The following IGF2BP3 variants were observed in gnomAD, a reference collection of about 807,000 sequenced individuals.
The protein encoded by IGF2BP3 is insulin like growth factor 2 mRNA binding protein 3, also known as insulin-like growth factor 2 mRNA-binding protein 3.
Under a neutral mutation model 73.8 loss-of-function variants are expected in IGF2BP3, and 9 were observed. That is an observed-to-expected ratio of 0.12 (90% CI 0.07 to 0.21). The LOEUF (loss-of-function observed/expected upper bound fraction) is 0.21. IGF2BP3 is among the 10% of genes least tolerant of loss of function. The pLI, the probability that IGF2BP3 is intolerant of heterozygous loss-of-function variation, is 1.00. For missense variants in IGF2BP3, 542 were observed against 714.0 expected (o/e 0.76, Z 2.75); for synonymous variants, 258 against 256.7 (o/e 1.01, Z -0.05).
intron 3 of IGF2BP3, among the ~76,000 whole-genome samples, chr7:23,388,878 C>G (rs1451694851): frequency 6.6e-6 from 1 of 152,122 alleles, no homozygotes; most frequent in East Asian, 1.9e-4. Context: ...TAGTTAAAAA[C>G]TGGAAACAGC....
chr7:23,429,713 A>G (rs1220565551), intron 2 of IGF2BP3, among the ~76,000 whole-genome samples: 1 of 152,180 alleles, frequency 6.6e-6, no homozygotes, highest in Non-Finnish European at 1.5e-5. Flanking sequence ...AGAAAGAAGG[A>G]AGAGAGGAAA....
chr7:23,382,190 G>A (rs1356468002), intron 3 of IGF2BP3, among the ~76,000 whole-genome samples: 7 of 152,114 alleles, frequency 4.6e-5, no homozygotes, highest in Admixed American at 6.5e-5. Flanking sequence ...AGGCTGCAGT[G>A]AGCCGTGGTT....
At chr7:23,314,609 AT>A (rs1021318761) in intron 12 of IGF2BP3, among the ~76,000 whole-genome samples, 1 of 151,664 alleles carries the variant, frequency 6.6e-6, no homozygotes. Flanking sequence ...ACCTGGTCAC[AT>A]TTTTTTTGAG....
intron 10 of IGF2BP3, among the ~76,000 whole-genome samples, chr7:23,340,184 T>C (rs1442674143): frequency 4.6e-5 from 7 of 152,164 alleles, no homozygotes; most frequent in Admixed American, 4.6e-4. Flanking sequence ...AGTAAAAACA[T>C]GCCAGCCACT....
At chr7:23,341,946 G>A in intron 10 of IGF2BP3, 118 bp downstream of exon 10, 1 of 1,125,186 alleles carries the variant, frequency 8.9e-7, no homozygotes, top group Non-Finnish European at 1.2e-6. Context: ...AAATAAGAAG[G>A]CTCCATTAGC....
At chr7:23,396,616 T>C (rs932018356) in intron 3 of IGF2BP3, 1 of 151,908 alleles carries the variant, frequency 6.6e-6, no homozygotes, top group Non-Finnish European at 1.5e-5. Flanking sequence ...CCAAGCGTGG[T>C]AGGAATGATG....
chr7:23,316,904 G>C (rs1232502928), intron 12 of IGF2BP3, among the ~76,000 whole-genome samples: 1 of 152,108 alleles, frequency 6.6e-6, no homozygotes, highest in Admixed American at 6.6e-5. Flanking sequence ...CATGTGTTAG[G>C]CACTTTTCTA....
chr7:23,344,548 C>T (rs1784787197), intron 8 of IGF2BP3, among the ~76,000 whole-genome samples: 1 of 152,220 alleles, frequency 6.6e-6, no homozygotes, highest in Non-Finnish European at 1.5e-5. Context: ...CCTGCTGAAC[C>T]TTCAAAAGCC....
intron 3 of IGF2BP3, among the ~76,000 whole-genome samples, chr7:23,410,310 T>C (rs1299685521): frequency 6.6e-6 from 1 of 152,170 alleles, no homozygotes; most frequent in African/African-American, 2.4e-5. Flanking sequence ...TGAGCTGTGA[T>C]TGTGCCACTG....
intron 10 of IGF2BP3, among the ~76,000 whole-genome samples, chr7:23,341,230 T>G (rs929539247): frequency 1.3e-5 from 2 of 152,146 alleles, no homozygotes; most frequent in African/African-American, 4.8e-5. Flanking sequence ...ACAATATAAT[T>G]GTGCACAAAA....
intron 9 of IGF2BP3, among the ~76,000 whole-genome samples, chr7:23,343,166 C>T (rs1784752153): frequency 6.6e-6 from 1 of 152,138 alleles, no homozygotes; most frequent in Admixed American, 6.5e-5. Context: ...AATTGAAATT[C>T]TTGTATCTCC....
At chr7:23,409,897 G>A (rs1039358465) in intron 3 of IGF2BP3, among the ~76,000 whole-genome samples, 24 of 152,290 alleles carry the variant, frequency 1.6e-4, no homozygotes, top group Non-Finnish European at 2.6e-4. Flanking sequence ...GGCCAGGTGC[G>A]ATGGCTCAAG....
Position 23,330,122 on chromosome 7 carries a change from T to C in IGF2BP3, c.1204-10868A>G, listed in dbSNP as rs185858215. Reference sequence around the variant, plus strand: ...CAACATAGTAAAACCCCATCTCCACTGAAAATACAAAAAATAAGCCAGGCA... The same window carrying C: ...CAACATAGTAAAACCCCATCTCCACCGAAAATACAAAAAATAAGCCAGGCA... On this transcript the variant is annotated intron_variant, in intron 10 of 14. Transcript: ENST00000258729. 2.3e-4 allele frequency among the ~76,000 whole-genome samples: 35 copies of C among 151,672 alleles called. 1 individual carries two copies. In the East Asian group the frequency reaches 6.4e-3, roughly 28 times the overall value.
At chr7:23,404,690 A>G (rs573765954) in intron 3 of IGF2BP3, among the ~76,000 whole-genome samples, 9 of 151,412 alleles carry the variant, frequency 5.9e-5, no homozygotes, top group Non-Finnish European at 1.2e-4. Flanking sequence ...AATAGTAATT[A>G]CTGAATAGTA....
At chr7:23,357,150 G>C (rs1785115889) in intron 5 of IGF2BP3, among the ~76,000 whole-genome samples, 1 of 152,088 alleles carries the variant, frequency 6.6e-6, no homozygotes, top group African/African-American at 2.4e-5. Flanking sequence ...AATTGTTAAA[G>C]TTTAAATGGG....
intron 13 of IGF2BP3, 110 bp downstream of exon 13, chr7:23,313,412 G>A (rs1783887806): frequency 2.4e-6 from 3 of 1,245,572 alleles, no homozygotes; most frequent in South Asian, 1.5e-5. Flanking sequence ...CCTTGGTCAA[G>A]ATGGTCCTGC....
intron 2 of IGF2BP3, among the ~76,000 whole-genome samples, chr7:23,430,066 T>C (rs924354232): frequency 6.6e-6 from 1 of 150,986 alleles, no homozygotes; most frequent in Non-Finnish European, 1.5e-5. Context: ...GTCTAACTTG[T>C]AACATGTTCT....
chr7:23,454,769 G>A (rs758486162), intron 2 of IGF2BP3, among the ~76,000 whole-genome samples: 7 of 152,274 alleles, frequency 4.6e-5, no homozygotes, highest in African/African-American at 1.7e-4. Flanking sequence ...GTAGTAGTAC[G>A]TGCACACAGA....
intron 3 of IGF2BP3, among the ~76,000 whole-genome samples, chr7:23,401,925 T>A (rs12700435): frequency 2.6e-5 from 4 of 151,930 alleles, no homozygotes; most frequent in African/African-American, 9.7e-5. Context: ...AAGACCAGCC[T>A]GGCCAACATG....
Sources: gnomAD v4.1 joint callset for allele counts (sites outside exome capture counted in the v4.1 genomes callset) on GRCh38, gnomAD v4.1.1 for gene constraint, MANE v1.5 for transcripts, NCBI Gene and HGNC (gene_info 2026-07-23, HGNC 2026-07-21) for gene names.